KCNIP3: variants seen among roughly 807,000 people sequenced by gnomAD.
The protein encoded by KCNIP3 is calsenilin.
KCNIP3 carries 28 observed loss-of-function variants against 35.0 expected under a neutral mutation model. That is an observed-to-expected ratio of 0.80 (90% CI 0.59 to 1.10). KCNIP3 has a LOEUF of 1.10. Among genes scored for constraint, KCNIP3 ranks in the 50% least tolerant of loss-of-function variants. The probability of loss-of-function intolerance (pLI) is 0.00; values close to 1 mark genes in which losing one functional copy is unlikely to be tolerated. For synonymous variants in KCNIP3, 134 were observed against 133.8 expected, an observed-to-expected ratio of 1.00 and a Z score of -0.01; for missense variants, 295 against 338.4, an observed-to-expected ratio of 0.87 and a Z score of 1.01.
At chr2:95,374,183 A>G in intron 2 of KCNIP3, 113 bp from the exon 3 acceptor site, 1 of 1,332,392 alleles carries the variant, frequency 7.5e-7, no homozygotes, top group Non-Finnish European at 1.0e-6. Context: ...CATGGTAGTC[A>G]TGCAAAGAGA....
chr2:95,321,669 T>C (rs1678601882), intron 2 of KCNIP3, among the ~76,000 whole-genome samples: 12 of 152,068 alleles, frequency 7.9e-5, no homozygotes, highest in Admixed American at 7.9e-4. Flanking sequence ...CGGGGCTCTT[T>C]AGAGAGGGTG....
At chr2:95,353,140 T>A (rs1329459576) in intron 2 of KCNIP3, among the ~76,000 whole-genome samples, 1 of 151,648 alleles carries the variant, frequency 6.6e-6, no homozygotes, top group African/African-American at 2.4e-5. Context: ...GGGGCAGGAG[T>A]GTCTCCTAGT....
intron 2 of KCNIP3, among the ~76,000 whole-genome samples, chr2:95,343,617 G>A (rs1202515525): frequency 6.6e-6 from 1 of 152,170 alleles, no homozygotes; most frequent in African/African-American, 2.4e-5. Flanking sequence ...GACATCCAGG[G>A]AATGTCGGTC....
intron 2 of KCNIP3, among the ~76,000 whole-genome samples, chr2:95,315,397 T>C (rs1368885917): frequency 1.3e-5 from 2 of 152,168 alleles, no homozygotes; most frequent in African/African-American, 4.8e-5. Context: ...AGGGGACCAC[T>C]GGCCCACCTG....
chr2:95,325,714 C>T (rs1558763617), intron 2 of KCNIP3, among the ~76,000 whole-genome samples: 3 of 151,594 alleles, frequency 2.0e-5, no homozygotes. Context: ...TACACACAGT[C>T]ATACACTTAT....
intron 1 of KCNIP3, among the ~76,000 whole-genome samples, chr2:95,297,921 A>G (rs1008597950): frequency 1.2e-4 from 19 of 152,184 alleles, no homozygotes; most frequent in African/African-American, 3.9e-4. Context: ...AGGTTGGTCA[A>G]TGAACGCATC....
At chr2:95,323,022 G>GC (rs1426120481) in intron 2 of KCNIP3, among the ~76,000 whole-genome samples, 3 of 152,228 alleles carry the variant, frequency 2.0e-5, no homozygotes, top group Non-Finnish European at 4.4e-5. Context: ...TGTGGTCCTG[G>GC]CCCCCGCTCT....
chr2:95,376,815 C>A lies in KCNIP3; in HGVS notation c.447+1607C>A, dbSNP rs1366756575. On this transcript the variant is annotated intron_variant, in intron 5 of 8. Coordinates refer to ENST00000295225, the MANE Select transcript of KCNIP3 (RefSeq NM_013434.5). This position sits in a 1 kb window ranked among gnomAD's most constrained non-coding sequence, Gnocchi z 4.2. ...TCTGGAGAACACCGGGCCATCCTCACTGCCAGCCCTCAGAGCCTCCTACGT... is the reference window on the plus strand; with the variant it reads ...TCTGGAGAACACCGGGCCATCCTCAATGCCAGCCCTCAGAGCCTCCTACGT... Among the ~76,000 whole-genome samples, 2 of 152,228 alleles carry A rather than the reference C, an allele frequency of 1.3e-5. No individual in the cohort carries two copies. The highest frequency in any genetic ancestry group is 4.8e-5 in the African/African-American group (2 of 41,456).
At chr2:95,354,779 C>T (rs1209437829) in intron 2 of KCNIP3, among the ~76,000 whole-genome samples, 2 of 152,230 alleles carry the variant, frequency 1.3e-5, no homozygotes, top group African/African-American at 4.8e-5. Context: ...CCTTCCTGCT[C>T]GTTCTCTTGC....
intron 1 of KCNIP3, among the ~76,000 whole-genome samples, chr2:95,308,492 A>C (rs1678232763): frequency 6.6e-6 from 1 of 152,132 alleles, no homozygotes. Context: ...GCCCATCCCG[A>C]ATGTGGATAG....
At chr2:95,327,365 TCA>T (rs769379426) in intron 2 of KCNIP3, among the ~76,000 whole-genome samples, 1 of 152,062 alleles carries the variant, frequency 6.6e-6, no homozygotes, top group Non-Finnish European at 1.5e-5. Flanking sequence ...GGATGTGCAC[TCA>T]CACACATTCA....
chr2:95,381,886 G>T (rs1573524771), intron 6 of KCNIP3, among the ~76,000 whole-genome samples, 183 bp downstream of exon 6: 1 of 152,286 alleles, frequency 6.6e-6, no homozygotes, highest in South Asian at 2.1e-4. Flanking sequence ...TGGACACCCC[G>T]GTGTGGAGTG....
At chr2:95,375,264 T>A (rs1680155913) in intron 5 of KCNIP3, 56 bp downstream of exon 5, 6 of 1,501,772 alleles carry the variant, frequency 4.0e-6, no homozygotes, top group Non-Finnish European at 5.6e-6. Flanking sequence ...CAGGAGTGAA[T>A]CCTTACCCTG....
chr2:95,372,861 A>G (rs1357834752), intron 2 of KCNIP3, among the ~76,000 whole-genome samples: 1 of 152,242 alleles, frequency 6.6e-6, no homozygotes, highest in Non-Finnish European at 1.5e-5. Context: ...TGTGTGGACC[A>G]AAGAAACAGC....
At chr2:95,344,731 G>A (rs1679304669) in intron 2 of KCNIP3, among the ~76,000 whole-genome samples, 1 of 152,156 alleles carries the variant, frequency 6.6e-6, no homozygotes, top group South Asian at 2.1e-4. Context: ...CAGCTCTGAG[G>A]GTGCATTGTA....
chr2:95,302,529 G>A (rs1462042263), intron 1 of KCNIP3, among the ~76,000 whole-genome samples: 1 of 152,220 alleles, frequency 6.6e-6, no homozygotes, highest in East Asian at 1.9e-4. Flanking sequence ...AGGCATGCTA[G>A]GCTGTGGGTT....
At chr2:95,300,885 C>G (rs1678009770) in intron 1 of KCNIP3, among the ~76,000 whole-genome samples, 1 of 152,242 alleles carries the variant, frequency 6.6e-6, no homozygotes, top group Non-Finnish European at 1.5e-5. Flanking sequence ...ATCAGCCTGG[C>G]CATGCCTGGG....
chr2:95,310,338 G>A lies in KCNIP3; in HGVS notation c.16-17G>A. On this transcript the variant is annotated splice_polypyrimidine_tract_variant and intron_variant, in intron 1 of 8. Coordinates refer to ENST00000295225, the MANE Select transcript of KCNIP3 (RefSeq NM_013434.5). ...CTGAGCAGGGGCTCAGGGCTGCTCT[G>A]CCTGTTCCTACTGCAGGAAGTGACA... is the stretch of plus-strand genomic sequence containing the variant. 1 of 1,612,240 alleles carries A rather than the reference G, an allele frequency of 6.2e-7. No individual in the cohort carries two copies. The highest frequency in any genetic ancestry group is 1.1e-5 in the South Asian group (1 of 91,036).
chr2:95,315,775 G>A (rs1276977695), intron 2 of KCNIP3, among the ~76,000 whole-genome samples: 2 of 152,162 alleles, frequency 1.3e-5, no homozygotes, highest in African/African-American at 4.8e-5. Flanking sequence ...GACCGTAGGG[G>A]GCGGGTGGGC....
Sources: gnomAD v4.1 joint callset for allele counts (sites outside exome capture counted in the v4.1 genomes callset) on GRCh38, gnomAD v4.1.1 for gene constraint, Gnocchi (gnomAD v3.1) non-coding constraint, MANE v1.5 for transcripts, NCBI Gene and HGNC (gene_info 2026-07-23, HGNC 2026-07-21) for gene names.